FSBP: variants seen among roughly 807,000 people sequenced by gnomAD.
FSBP encodes the protein fibrinogen silencer binding protein.
A neutral mutation model predicts 24.6 loss-of-function variants in FSBP; 18 were observed. The observed-to-expected ratio is 0.73, with a 90% confidence interval of 0.51 to 1.08. The LOEUF is 1.08. Among genes scored for constraint, FSBP ranks in the 50% least tolerant of loss-of-function variants. FSBP has a pLI of 0.00. For missense variants in FSBP, 305 were observed against 347.6 expected (o/e 0.88, Z 0.98); for synonymous variants, 110 against 125.8 (o/e 0.87, Z 0.84).
chr8:94,436,689 G>C lies in FSBP; in HGVS notation c.180C>G (p.Arg60=). 1 of 1,550,664 alleles carries C rather than the reference G, an allele frequency of 6.4e-7. No individual in the cohort carries two copies. The highest frequency in any genetic ancestry group is 8.7e-7 in the Non-Finnish European group (1 of 1,146,980). The change falls in exon 1 of 2, where the codon CGC becomes CGG. Residue 60 remains arginine (R), a synonymous_variant. Coordinates refer to ENST00000481490, the MANE Select transcript of FSBP (RefSeq NM_001256141.2). The part of the protein sequence containing the change: ...AVNYNAIGVD[R]PPRTAQGLRT... Reference sequence around the variant, plus strand: ...GTAGGCCCTGTGCTGTTCGAGGAGGGCGGTCTACTCCAATTGCATTATAGT... The same window carrying C: ...GTAGGCCCTGTGCTGTTCGAGGAGGCCGGTCTACTCCAATTGCATTATAGT...
Position 94,430,460 on chromosome 8 carries a change from C to CT in FSBP, c.*1670dup, listed in dbSNP as rs1440903477. ...GCACCAAGCGAGGTTCCAAAATACT[C>CT]TGTTTCACTGGTTCTCAAACTTTAG... On this transcript the variant is annotated 3_prime_UTR_variant, in exon 2 of 2. Coordinates refer to ENST00000481490, the MANE Select transcript of FSBP (RefSeq NM_001256141.2). 5.1e-6 allele frequency: 5 copies of CT among 984,110 alleles called. No homozygotes were observed. The highest frequency in any genetic ancestry group is 6.0e-6 in the Non-Finnish European group (5 of 828,972). The allele number at this position is 984,110 out of a possible 1,614,324, so 61.0% of individuals were successfully genotyped here.
chr8:94,432,063 G>C lies in FSBP; in HGVS notation c.*68C>G, dbSNP rs1469971489. On this transcript the variant is annotated 3_prime_UTR_variant, in exon 2 of 2. Transcript: ENST00000481490. The stretch of plus-strand genomic sequence containing the variant: ...TTTCAAGAACGTGTATTCTGTTTCA[G>C]GATATTCCCAAATTAAAGTAATTTG... 32 of 1,471,778 alleles carry C rather than the reference G, an allele frequency of 2.2e-5. No homozygotes were observed. The highest frequency in any genetic ancestry group is 3.6e-6 in the Non-Finnish European group (4 of 1,115,906). The allele number at this position is 1,471,778 out of a possible 1,614,324, so 91.2% of individuals were successfully genotyped here.
Position 94,429,126 on chromosome 8 carries a change from G to C in FSBP, c.*3005C>G, listed in dbSNP as rs914723623. ...AAAGTTGCTGCAGTAAACTCAAAGA[G>C]TGTGATTCTGGTGTTTAAAAATATG... On this transcript the variant is annotated 3_prime_UTR_variant, in exon 2 of 2. Coordinates refer to ENST00000481490, the MANE Select transcript of FSBP (RefSeq NM_001256141.2). 3.0e-6 allele frequency: 3 copies of C among 984,484 alleles called. No individual in the cohort carries two copies. The African/African-American group carries it at 5.2e-5, about 17-fold the overall frequency. 61.0% of individuals were successfully genotyped at this position (984,484 alleles called of 1,614,324 possible). A position where few individuals can be genotyped will look rare whatever the true frequency, so the allele number is the denominator to read the frequency against.
rs754708057 is a variant in FSBP, at chr8:94,429,134, C to G, written c.*2997G>C. ...TGCAGTAAACTCAAAGAGTGTGATT[C>G]TGGTGTTTAAAAATATGTAAAAATA... On this transcript the variant is annotated 3_prime_UTR_variant, in exon 2 of 2. Coordinates refer to ENST00000481490, the MANE Select transcript of FSBP (RefSeq NM_001256141.2). 2.9e-5 allele frequency: 29 copies of G among 983,858 alleles called. No homozygotes were observed. Among genetic ancestry groups the G allele is most frequent in the Non-Finnish European group, 3.4e-5 (28 of 828,534 alleles). 60.9% of individuals were successfully genotyped at this position (983,858 alleles called of 1,614,324 possible).
At position 94,429,461 on chromosome 8, in the gene FSBP, G is replaced by A; in HGVS notation, c.*2670C>T. ...TTAATGTTCCACAGAACACACTTGGGAAAACTCTGATTTGCTGTAAAAGCC... is the reference window on the plus strand; with the variant it reads ...TTAATGTTCCACAGAACACACTTGGAAAAACTCTGATTTGCTGTAAAAGCC... On this transcript the variant is annotated 3_prime_UTR_variant, in exon 2 of 2. Transcript: ENST00000481490. The A allele has an allele frequency of 1.0e-6, 1 of 972,714 alleles. No homozygotes were observed. Among genetic ancestry groups the A allele is most frequent in the South Asian group, 4.8e-5 (1 of 20,998 alleles). 60.3% of individuals were successfully genotyped at this position (972,714 alleles called of 1,614,324 possible).
At position 94,427,971 on chromosome 8, in the gene FSBP, A is replaced by C. The variant is rs1036605132; in HGVS notation, c.*4160T>G. 18 of 918,994 alleles carry C rather than the reference A, an allele frequency of 2.0e-5. No individual in the cohort carries two copies. Among genetic ancestry groups the C allele is most frequent in the Non-Finnish European group, 2.3e-5 (18 of 769,776 alleles). The allele number at this position is 918,994 out of a possible 1,614,324, so 56.9% of individuals were successfully genotyped here. A position where few individuals can be genotyped will look rare whatever the true frequency, so the allele number is the denominator to read the frequency against. On this transcript the variant is annotated 3_prime_UTR_variant, in exon 2 of 2. Transcript: ENST00000481490. ...AATAACACCAAGTTAATATCTCATCATACACAAAAGAAAAATACTTGACTA... is the reference window on the plus strand; with the variant it reads ...AATAACACCAAGTTAATATCTCATCCTACACAAAAGAAAAATACTTGACTA...
Position 94,429,700 on chromosome 8 carries a change from GAA to G in FSBP, c.*2429_*2430del, listed in dbSNP as rs1192885760. 1.0e-6 allele frequency: 1 copy of G among 983,442 alleles called. No individual in the cohort carries two copies. Among genetic ancestry groups the G allele is most frequent in the Admixed American group, 6.2e-5 (1 of 16,258 alleles). The allele number at this position is 983,442 out of a possible 1,614,324, so 60.9% of individuals were successfully genotyped here. Reference sequence around the variant, plus strand: ...GAAAAGTCATAGCACAGATTAAAGAGAAAAGGTAACATTGTCAAAAGGATATA... The same window carrying G: ...GAAAAGTCATAGCACAGATTAAAGAGAAGGTAACATTGTCAAAAGGATATA... On this transcript the variant is annotated 3_prime_UTR_variant, in exon 2 of 2. Coordinates refer to ENST00000481490, the MANE Select transcript of FSBP (RefSeq NM_001256141.2).
intron 1 of FSBP, among the ~76,000 whole-genome samples, chr8:94,435,814 G>C (rs1195529887): frequency 2.0e-5 from 3 of 152,028 alleles, no homozygotes; most frequent in African/African-American, 7.2e-5. Flanking sequence ...CAAGATCAAA[G>C]TGAAACTAGA....
At position 94,428,197 on chromosome 8, in the gene FSBP, T is replaced by C; in HGVS notation, c.*3934A>G. 1 of 849,516 alleles carries C rather than the reference T, an allele frequency of 1.2e-6. No individual in the cohort carries two copies. Among genetic ancestry groups the C allele is most frequent in the Non-Finnish European group, 1.4e-6 (1 of 706,122 alleles). 52.6% of individuals were successfully genotyped at this position (849,516 alleles called of 1,614,324 possible). On this transcript the variant is annotated 3_prime_UTR_variant, in exon 2 of 2. Coordinates refer to ENST00000481490, the MANE Select transcript of FSBP (RefSeq NM_001256141.2). ...GATGAAATAATCTATATACTTAGTATATTTATCAAATGTAGTATATTTCTA... is the reference window on the plus strand; with the variant it reads ...GATGAAATAATCTATATACTTAGTACATTTATCAAATGTAGTATATTTCTA...
intron 1 of FSBP, among the ~76,000 whole-genome samples, chr8:94,433,869 C>T (rs917783051): frequency 2.0e-5 from 3 of 151,490 alleles, no homozygotes; most frequent in African/African-American, 7.3e-5. Context: ...GATTAAAATG[C>T]TGGAACAAGT....
Position 94,428,328 on chromosome 8 carries a change from T to C in FSBP, c.*3803A>G, listed in dbSNP as rs1586161896. The C allele has an allele frequency of 2.0e-6, 2 of 983,040 alleles. No individual in the cohort carries two copies. Among genetic ancestry groups the C allele is most frequent in the Non-Finnish European group, 2.4e-6 (2 of 827,876 alleles). 60.9% of individuals were successfully genotyped at this position (983,040 alleles called of 1,614,324 possible). On this transcript the variant is annotated 3_prime_UTR_variant, in exon 2 of 2. Transcript: ENST00000481490. ...GGACCCCAAACAATTGTCTATGATA[T>C]GCAAGATGTCTGGTGGCTTAAGTGT...
At position 94,432,544 on chromosome 8, in the gene FSBP, G is replaced by T; in HGVS notation, c.487C>A (p.Pro163Thr). ...TGAGAATTTAAAACCAGTGGAGGAG[G>T]TGGTTTAATGTCTTCTTCTTGCTTC... ...EVKQEEDIKP[P>T]PPLVLNSQQS... Residue 163 changes from proline (P) to threonine (T), a missense_variant, in exon 2 of 2, where the codon CCT becomes ACT. Pro to Thr is a conservative substitution (Grantham distance 38). Transcript: ENST00000481490. 1 of 1,550,494 alleles carries T rather than the reference G, an allele frequency of 6.4e-7. No individual in the cohort carries two copies. Among genetic ancestry groups the T allele is most frequent in the South Asian group, 1.2e-5 (1 of 84,042 alleles).
rs1812057263 is a variant in FSBP at position 94,430,302 on chromosome 8, C to A, written c.*1829G>T. Reference sequence around the variant, plus strand: ...CTCCAACCTAGGTGACAAAGCAAGACTCCATCTCAAAAAAAAAAAAAAAAA... The same window carrying A: ...CTCCAACCTAGGTGACAAAGCAAGAATCCATCTCAAAAAAAAAAAAAAAAA... On this transcript the variant is annotated 3_prime_UTR_variant, in exon 2 of 2. Coordinates refer to ENST00000481490, the MANE Select transcript of FSBP (RefSeq NM_001256141.2). 2 of 932,654 alleles carry A rather than the reference C, an allele frequency of 2.1e-6. No individual in the cohort carries two copies. The highest frequency in any genetic ancestry group is 2.5e-4 in the East Asian group (2 of 8,082). 57.8% of individuals were successfully genotyped at this position (932,654 alleles called of 1,614,324 possible).
intron 1 of FSBP, among the ~76,000 whole-genome samples, chr8:94,432,924 G>A (rs1365501882): frequency 1.3e-5 from 2 of 152,030 alleles, no homozygotes; most frequent in Non-Finnish European, 2.9e-5. Context: ...GAAGGCCAAT[G>A]AAGAAAATAA....
chr8:94,436,941 A>G lies in FSBP; in HGVS notation c.-73T>C. ...TTCAGCTCTGCTCAGCTCTTTTCAC[A>G]AACAGAAAAAGATCAGGCTTAACTA... On this transcript the variant is annotated 5_prime_UTR_variant, in exon 1 of 2. Coordinates refer to ENST00000481490, the MANE Select transcript of FSBP (RefSeq NM_001256141.2). The G allele has an allele frequency of 1.4e-6, 2 of 1,451,512 alleles. No individual in the cohort carries two copies. The highest frequency in any genetic ancestry group is 5.0e-5 in the East Asian group (2 of 39,808). The allele number at this position is 1,451,512 out of a possible 1,614,324, so 89.9% of individuals were successfully genotyped here.
At position 94,427,936 on chromosome 8, in the gene FSBP, A is replaced by C; in HGVS notation, c.*4195T>G. ...AACAGGGTAGAATGACTCCTTAAAA[A>C]AAAAAATGAAATAACACCAAGTTAA... is the stretch of plus-strand genomic sequence containing the variant. On this transcript the variant is annotated 3_prime_UTR_variant, in exon 2 of 2. Coordinates refer to ENST00000481490, the MANE Select transcript of FSBP (RefSeq NM_001256141.2). 1.1e-6 allele frequency: 1 copy of C among 919,946 alleles called. No individual in the cohort carries two copies. The highest frequency in any genetic ancestry group is 1.3e-6 in the Non-Finnish European group (1 of 770,492). 57.0% of individuals were successfully genotyped at this position (919,946 alleles called of 1,614,324 possible).
Position 94,431,332 on chromosome 8 carries a change from C to A in FSBP, c.*799G>T. ...AATATATAATAGCTTCAATGGAATA[C>A]CTTATCTATTTTGCTGGAACAAAAA... On this transcript the variant is annotated 3_prime_UTR_variant, in exon 2 of 2. Coordinates refer to ENST00000481490, the MANE Select transcript of FSBP (RefSeq NM_001256141.2). The A allele has an allele frequency of 1.0e-6, 1 of 978,646 alleles. No individual in the cohort carries two copies. The highest frequency in any genetic ancestry group is 1.2e-6 in the Non-Finnish European group (1 of 823,932). The allele number at this position is 978,646 out of a possible 1,614,324, so 60.6% of individuals were successfully genotyped here.
At position 94,427,771 on chromosome 8, in the gene FSBP, CATT is replaced by C. The variant is rs1036472976; in HGVS notation, c.*4357_*4359del. 2.1e-6 allele frequency: 2 copies of C among 962,752 alleles called. No individual in the cohort carries two copies. The highest frequency in any genetic ancestry group is 3.5e-5 in the African/African-American group (2 of 56,646). The allele number at this position is 962,752 out of a possible 1,614,324, so 59.6% of individuals were successfully genotyped here. ...ATGTGTTAACAAAGCATTTAACCAT[CATT>C]ATCTACAGTATATATTAAACACAAT... On this transcript the variant is annotated 3_prime_UTR_variant, in exon 2 of 2. Transcript: ENST00000481490.
intron 1 of FSBP, among the ~76,000 whole-genome samples, chr8:94,433,596 CAA>C (rs760972278): frequency 2.3e-4 from 35 of 151,936 alleles, no homozygotes; most frequent in Non-Finnish European, 4.3e-4. Flanking sequence ...TTCAGCATAA[CAA>C]GTTATGATAT....
Sources: allele counts gnomAD v4.1 joint callset (sites outside exome capture counted in the v4.1 genomes callset), GRCh38; gene constraint gnomAD v4.1.1; transcripts MANE v1.5; gene names NCBI Gene and HGNC (gene_info 2026-07-23, HGNC 2026-07-21).